ROBO2: variants seen among roughly 807,000 people sequenced by gnomAD.
ROBO2 encodes the protein roundabout guidance receptor 2.
ROBO2 carries 53 observed loss-of-function variants against 160.8 expected under a neutral mutation model. That is an observed-to-expected ratio of 0.33 (90% CI 0.26 to 0.41). The LOEUF is 0.41. Ranked by LOEUF, ROBO2 falls within the 10% of genes least tolerant of loss-of-function variation. ROBO2 has a pLI of 1.00. For synonymous variants in ROBO2, 664 were observed against 611.7 expected (o/e 1.09, Z -1.26); for missense variants, 1,577 against 1,722.4 (o/e 0.92, Z 1.49).
At chr3:76,523,026 A>T (rs1319245232) in intron 2 of ROBO2, among the ~76,000 whole-genome samples, 2 of 148,096 alleles carry the variant, frequency 1.4e-5, no homozygotes, top group Non-Finnish European at 1.5e-5. Flanking sequence ...AATATATTTT[A>T]TATATGTATA....
intron 2 of ROBO2, among the ~76,000 whole-genome samples, chr3:76,094,370 C>T (rs975578545): frequency 1.3e-5 from 2 of 152,218 alleles, no homozygotes; most frequent in South Asian, 2.1e-4. Flanking sequence ...ATCTTCCCAA[C>T]AACACAGTGC....
intron 2 of ROBO2, among the ~76,000 whole-genome samples, chr3:76,274,173 A>G (rs1224925707): frequency 6.6e-6 from 1 of 152,342 alleles, no homozygotes; most frequent in East Asian, 1.9e-4. Flanking sequence ...AGCTAACATT[A>G]ACATAGATTA....
At chr3:76,163,346 C>A (rs1485454420) in intron 2 of ROBO2, among the ~76,000 whole-genome samples, 1 of 151,544 alleles carries the variant, frequency 6.6e-6, no homozygotes, top group African/African-American at 2.4e-5. Context: ...TGGAGATTTT[C>A]TAATACTGAG....
chr3:77,052,450 C>T lies in ROBO2; in HGVS notation c.61+11604C>T, dbSNP rs777064165. ...CTCAGTGAATAGCATCAGTCAGCTG[C>T]CTTTGAGATCGAGTGATTAATACCT... is the stretch of plus-strand genomic sequence containing the variant. On this transcript the variant is annotated intron_variant, in intron 1 of 25. Transcript: ENST00000461745. 2.6e-5 allele frequency among the ~76,000 whole-genome samples: 4 copies of T among 152,154 alleles called. No homozygotes were observed. In the South Asian group the frequency reaches 8.3e-4, roughly 32 times the overall value.
intron 2 of ROBO2, among the ~76,000 whole-genome samples, chr3:76,037,454 C>G (rs533216885): frequency 2.4e-4 from 37 of 151,780 alleles, no homozygotes; most frequent in African/African-American, 7.8e-4. Context: ...GACGGGGTTT[C>G]ACTTGTTGGC....
At chr3:76,032,847 A>G (rs544346991) in intron 2 of ROBO2, among the ~76,000 whole-genome samples, 1 of 152,336 alleles carries the variant, frequency 6.6e-6, no homozygotes, top group South Asian at 2.1e-4. Context: ...GAGTGGTCCA[A>G]ACAGACCATA....
intron 2 of ROBO2, among the ~76,000 whole-genome samples, chr3:77,407,785 A>T (rs1477030691): frequency 6.6e-6 from 1 of 152,230 alleles, no homozygotes; most frequent in East Asian, 1.9e-4. Flanking sequence ...AAGTTGCCTT[A>T]TTCATTTTAA....
At chr3:75,961,756 A>G (rs2107281697) in intron 2 of ROBO2, among the ~76,000 whole-genome samples, 1 of 151,816 alleles carries the variant, frequency 6.6e-6, no homozygotes, top group Non-Finnish European at 1.5e-5. Flanking sequence ...ATTGTATTAA[A>G]ATATTGAGAA....
At chr3:77,192,041 A>G (rs2081902991) in intron 2 of ROBO2, among the ~76,000 whole-genome samples, 1 of 152,202 alleles carries the variant, frequency 6.6e-6, no homozygotes, top group South Asian at 2.1e-4. Flanking sequence ...TCTAAACAGG[A>G]TGGCAAACTC....
intron 2 of ROBO2, among the ~76,000 whole-genome samples, chr3:77,227,781 C>T (rs551421000): frequency 6.6e-6 from 1 of 152,302 alleles, no homozygotes; most frequent in East Asian, 1.9e-4. Flanking sequence ...AATCAAATAA[C>T]CTGATTGTTC....
chr3:77,433,500 A>ATATATATATATATATATATATATATATC (rs2078995660), intron 2 of ROBO2, among the ~76,000 whole-genome samples: 1 of 110,288 alleles, frequency 9.1e-6, no homozygotes, highest in Non-Finnish European at 1.8e-5. Context: ...ATATATATAT[A>ATATATATATATATATATATATATATATC]TATATATATA....
chr3:76,264,331 G>GT (rs5850243), intron 2 of ROBO2, among the ~76,000 whole-genome samples: 103,453 of 146,986 alleles, frequency 0.7, 39,675 homozygotes, highest in Non-Finnish European at 0.88. Context: ...ATTGTCTCTA[G>GT]TTTTTTTTTT....
chr3:76,944,500 C>A (rs191549521), intron 2 of ROBO2, among the ~76,000 whole-genome samples: 231 of 152,188 alleles, frequency 1.5e-3, no homozygotes, highest in Admixed American at 3.7e-3. Context: ...AAAATTGTAG[C>A]CATCAATTGA....
At chr3:77,646,228 C>T in exon 26 of ROBO2, 1 of 454,464 alleles carries the variant, frequency 2.2e-6, no homozygotes. Flanking sequence ...TCATTGTGTT[C>T]TTCTCTTAAG....
At chr3:77,552,429 G>C (rs1319671362) in intron 8 of ROBO2, among the ~76,000 whole-genome samples, 2 of 151,998 alleles carry the variant, frequency 1.3e-5, no homozygotes, top group African/African-American at 4.8e-5. Flanking sequence ...CAGTTAATGT[G>C]ACTGTTATCG....
intron 2 of ROBO2, among the ~76,000 whole-genome samples, chr3:76,117,408 C>A (rs1318219147): frequency 6.6e-6 from 1 of 151,994 alleles, no homozygotes; most frequent in Non-Finnish European, 1.5e-5. Flanking sequence ...TCAAATAAAA[C>A]CTATACAGTG....
chr3:77,256,408 C>G (rs1186467290), intron 2 of ROBO2, among the ~76,000 whole-genome samples: 1 of 152,056 alleles, frequency 6.6e-6, no homozygotes, highest in Non-Finnish European at 1.5e-5. Context: ...ATTATTTAAC[C>G]TCTTCCCTTT....
At chr3:76,396,919 A>G (rs1320471461) in intron 2 of ROBO2, among the ~76,000 whole-genome samples, 5 of 152,180 alleles carry the variant, frequency 3.3e-5, no homozygotes, top group African/African-American at 1.2e-4. Flanking sequence ...TATAGGTTCA[A>G]TGCCATCCCC....
chr3:76,519,599 A>G (rs923341273), intron 2 of ROBO2, among the ~76,000 whole-genome samples: 34 of 152,086 alleles, frequency 2.2e-4, no homozygotes, highest in African/African-American at 7.5e-4. Context: ...CTATACTACA[A>G]TCTCCCAGAT....
Sources: allele counts gnomAD v4.1 joint callset (sites outside exome capture counted in the v4.1 genomes callset), GRCh38; gene constraint gnomAD v4.1.1; transcripts MANE v1.5; gene names NCBI Gene and HGNC (gene_info 2026-07-23, HGNC 2026-07-21).